The following LUZP2 variants were observed in gnomAD, a reference collection of about 807,000 sequenced individuals.
The protein encoded by LUZP2 is leucine zipper protein 2.
Under a neutral mutation model 51.6 loss-of-function variants are expected in LUZP2, and 52 were observed. That is an observed-to-expected ratio of 1.01 (90% CI 0.81 to 1.27). The LOEUF (loss-of-function observed/expected upper bound fraction) is 1.27, where lower values mean the gene tolerates loss of function less well. Ranked by LOEUF, LUZP2 falls within the 50% of genes most tolerant of loss-of-function variation. LUZP2 has a pLI of 0.00. For missense variants in LUZP2, 436 were observed against 395.4 expected (o/e 1.10, Z -0.87); for synonymous variants, 154 against 137.3 (o/e 1.12, Z -0.85).
intron 9 of LUZP2, among the ~76,000 whole-genome samples, chr11:25,005,953 G>A (rs1295405078): frequency 1.3e-5 from 2 of 152,008 alleles, no homozygotes; most frequent in Non-Finnish European, 2.9e-5. Flanking sequence ...TGAAGTGGAG[G>A]GCCAAACCCT....
At chr11:24,513,670 T>A (rs1324463776) in intron 1 of LUZP2, among the ~76,000 whole-genome samples, 3 of 152,192 alleles carry the variant, frequency 2.0e-5, no homozygotes, top group Non-Finnish European at 2.9e-5. Context: ...TGCAGGGCCA[T>A]GCTTTGGGCA....
intron 5 of LUZP2, among the ~76,000 whole-genome samples, chr11:24,860,472 C>T (rs1167043877): frequency 6.6e-6 from 1 of 152,098 alleles, no homozygotes; most frequent in African/African-American, 2.4e-5. Flanking sequence ...GGTCCTGTTC[C>T]CTGTGGCACC....
intron 1 of LUZP2, among the ~76,000 whole-genome samples, chr11:24,537,789 T>A (rs963650892): frequency 2.0e-5 from 3 of 151,892 alleles, no homozygotes; most frequent in African/African-American, 7.2e-5. Context: ...AATGCAAGAA[T>A]CTGGATATTT....
intron 4 of LUZP2, among the ~76,000 whole-genome samples, chr11:24,742,323 G>A (rs1162970556): frequency 6.6e-6 from 1 of 151,630 alleles, no homozygotes; most frequent in Non-Finnish European, 1.5e-5. Context: ...CACCAGCAGT[G>A]CGAAAGTGTT....
chr11:24,544,697 G>A (rs935499043), intron 1 of LUZP2, among the ~76,000 whole-genome samples: 1 of 152,010 alleles, frequency 6.6e-6, no homozygotes, highest in Non-Finnish European at 1.5e-5. Flanking sequence ...TAAGCATTAA[G>A]GTTAATTCCA....
At chr11:24,727,830 T>A (rs2631433) in intron 1 of LUZP2, among the ~76,000 whole-genome samples, 1 of 151,724 alleles carries the variant, frequency 6.6e-6, no homozygotes, top group African/African-American at 2.4e-5. Flanking sequence ...GAGTGCTAGA[T>A]ACCTATATTT....
At chr11:25,052,106 C>T (rs1394519882) in intron 10 of LUZP2, among the ~76,000 whole-genome samples, 2 of 152,144 alleles carry the variant, frequency 1.3e-5, no homozygotes, top group Non-Finnish European at 2.9e-5. Context: ...CTTCTGTCCT[C>T]TAGACTTTTG....
At chr11:25,012,487 T>G (rs764146555) in intron 9 of LUZP2, among the ~76,000 whole-genome samples, 1 of 152,206 alleles carries the variant, frequency 6.6e-6, no homozygotes, top group Non-Finnish European at 1.5e-5. Flanking sequence ...CTTCCTTCTT[T>G]GCCCTTCTGC....
intron 9 of LUZP2, among the ~76,000 whole-genome samples, chr11:25,031,015 A>ATATATATATTT (rs1406897346): frequency 6.7e-4 from 8 of 11,880 alleles, no homozygotes; most frequent in Admixed American, 1.4e-3. Flanking sequence ...ATATATATAT[A>ATATATATATTT]TTTTTTTTTT....
chr11:24,712,255 T>C (rs1857857096), intron 1 of LUZP2, among the ~76,000 whole-genome samples: 1 of 151,922 alleles, frequency 6.6e-6, no homozygotes, highest in Admixed American at 6.6e-5. Context: ...ACCCCATCTC[T>C]GTAAAAAATT....
intron 10 of LUZP2, among the ~76,000 whole-genome samples, chr11:25,054,903 C>T (rs1316194066): frequency 3.4e-5 from 5 of 148,772 alleles, no homozygotes; most frequent in African/African-American, 9.9e-5. Context: ...GAGTCCCTTA[C>T]ATTTCTTTGC....
intron 1 of LUZP2, among the ~76,000 whole-genome samples, chr11:24,711,407 G>A (rs1857819082): frequency 6.6e-6 from 1 of 151,886 alleles, no homozygotes; most frequent in South Asian, 2.1e-4. Flanking sequence ...CCGAGATGGT[G>A]TCACTGCACT....
At chr11:24,903,385 T>C (rs1363201489) in intron 5 of LUZP2, among the ~76,000 whole-genome samples, 1 of 152,184 alleles carries the variant, frequency 6.6e-6, no homozygotes, top group Non-Finnish European at 1.5e-5. Flanking sequence ...TTTCCAAATT[T>C]TAGCTAAAGA....
chr11:24,859,808 CTG>C (rs1590651804), intron 5 of LUZP2, among the ~76,000 whole-genome samples: 1 of 152,238 alleles, frequency 6.6e-6, no homozygotes, highest in Non-Finnish European at 1.5e-5. Context: ...GCAGGGGAAA[CTG>C]TGCTTTTTCC....
intron 7 of LUZP2, among the ~76,000 whole-genome samples, chr11:24,921,745 A>G (rs937146159): frequency 2.6e-5 from 4 of 152,200 alleles, no homozygotes; most frequent in Non-Finnish European, 4.4e-5. Flanking sequence ...TATTAAATGC[A>G]TATAATATGT....
At chr11:25,065,356 A>G (rs187832832) in intron 10 of LUZP2, among the ~76,000 whole-genome samples, 1 of 152,134 alleles carries the variant, frequency 6.6e-6, no homozygotes, top group East Asian at 1.9e-4. Context: ...CATCATTATC[A>G]TTGCTGCTAC....
At chr11:24,764,515 A>AAAAAAAAAAAAAAG (rs1860111515) in intron 5 of LUZP2, among the ~76,000 whole-genome samples, 1 of 114,308 alleles carries the variant, frequency 8.7e-6, no homozygotes, top group Non-Finnish European at 1.9e-5. Context: ...AAAAAAAAAA[A>AAAAAAAAAAAAAAG]ATTAGCTGGG....
chr11:24,942,844 A>G (rs1348970888), intron 7 of LUZP2, among the ~76,000 whole-genome samples: 2 of 152,182 alleles, frequency 1.3e-5, no homozygotes, highest in Non-Finnish European at 2.9e-5. Flanking sequence ...TGGATGTTTC[A>G]TATATGTAGG....
In LUZP2 at chr11:25,082,558, TATA is replaced by T. The variant is rs1426898637; in HGVS notation, c.*3901_*3903del. The T allele has an allele frequency of 1.4e-4, 22 of 152,228 alleles. No homozygotes were observed. Among genetic ancestry groups the T allele is most frequent in the Non-Finnish European group, 2.8e-4 (19 of 68,026 alleles). The allele number at this position is 152,228 out of a possible 1,614,324, so 9.4% of individuals were successfully genotyped here. A position where few individuals can be genotyped will look rare whatever the true frequency, so the allele number is the denominator to read the frequency against. On this transcript the variant is annotated 3_prime_UTR_variant, in exon 12 of 12. Transcript: ENST00000336930. ...AACTATGTGTTCATTTGGATTGTGT[TATA>T]TAATAACAGTCGAATGATGAAGAAT...
Sources: gnomAD v4.1 joint callset for allele counts (sites outside exome capture counted in the v4.1 genomes callset) on GRCh38, gnomAD v4.1.1 for gene constraint, MANE v1.5 for transcripts, NCBI Gene and HGNC (gene_info 2026-07-23, HGNC 2026-07-21) for gene names.